The following FOXN3 variants were observed in gnomAD, a reference collection of about 807,000 sequenced individuals.
FOXN3 encodes forkhead box protein N3.
A neutral mutation model predicts 38.4 loss-of-function variants in FOXN3; 7 were observed. The ratio of observed to expected loss-of-function variants is 0.18; its 90% CI spans 0.10 to 0.34. FOXN3 has a LOEUF of 0.34. Among genes scored for constraint, FOXN3 ranks in the 10% least tolerant of loss-of-function variants. FOXN3 has a pLI of 1.00. For synonymous variants in FOXN3, 230 were observed against 242.2 expected, an observed-to-expected ratio of 0.95 and a Z score of 0.47; for missense variants, 456 against 613.4, an observed-to-expected ratio of 0.74 and a Z score of 2.71.
Position 89,165,255 on chromosome 14 carries a change from T to C in FOXN3, c.852-2286A>G, listed in dbSNP as rs76142028. ...GTGCTCATATCCCAGTGTTGCTTAC[T>C]GGTGACTTTGAGCAGGCTGTTTTAC... On this transcript the variant is annotated intron_variant, in intron 5 of 5. Transcript: ENST00000557258. Among the ~76,000 whole-genome samples the C allele has an allele frequency of 8.1e-3, 1,241 of 152,320 alleles. 10 individuals carry two copies. Among genetic ancestry groups the C allele is most frequent in the South Asian group, 0.038 (183 of 4,820 alleles).
intron 2 of FOXN3, among the ~76,000 whole-genome samples, chr14:89,371,223 G>A (rs778404267): frequency 2.0e-5 from 3 of 152,126 alleles, no homozygotes; most frequent in Non-Finnish European, 4.4e-5. Context: ...CTTCCTGCCC[G>A]AAAGTGGCCC....
chr14:89,390,044 A>C (rs1239736601), intron 2 of FOXN3, among the ~76,000 whole-genome samples: 1 of 151,922 alleles, frequency 6.6e-6, no homozygotes, highest in African/African-American at 2.4e-5. Context: ...ACACAGTGAG[A>C]CCTCATCTTT....
intron 3 of FOXN3, among the ~76,000 whole-genome samples, chr14:89,327,940 C>A (rs1477758861): frequency 6.6e-6 from 1 of 152,198 alleles, no homozygotes; most frequent in Non-Finnish European, 1.5e-5. Context: ...GGAATTAGCA[C>A]ACAGCTAATC....
chr14:89,615,118 T>TTTTG (rs1437186581), intron 1 of FOXN3, among the ~76,000 whole-genome samples: 1 of 145,494 alleles, frequency 6.9e-6, no homozygotes, highest in Non-Finnish European at 1.5e-5. Flanking sequence ...CAATTTCGAT[T>TTTTG]TTTTTTTTTT....
chr14:89,432,011 G>C (rs191565295), intron 1 of FOXN3, among the ~76,000 whole-genome samples: 4 of 152,152 alleles, frequency 2.6e-5, no homozygotes, highest in Non-Finnish European at 5.9e-5. Context: ...CACCACGCCC[G>C]GCTGTGTTGT....
chr14:89,598,063 TTC>T (rs1481279054), intron 1 of FOXN3, among the ~76,000 whole-genome samples: 2 of 152,174 alleles, frequency 1.3e-5, no homozygotes, highest in Non-Finnish European at 2.9e-5. Context: ...TATTTATACA[TTC>T]TGTCATCATT....
chr14:89,395,236 T>C (rs1477200125), intron 2 of FOXN3, among the ~76,000 whole-genome samples: 8 of 152,178 alleles, frequency 5.3e-5, no homozygotes, highest in Admixed American at 2.0e-4. Context: ...CTGTGGCAAG[T>C]AGTTCAGGAA....
At chr14:89,263,406 T>A (rs1445239191) in intron 4 of FOXN3, among the ~76,000 whole-genome samples, 4 of 151,688 alleles carry the variant, frequency 2.6e-5, no homozygotes, top group Non-Finnish European at 5.9e-5. Context: ...CATTCAGTAA[T>A]CTTTGCCAGC....
intron 1 of FOXN3, among the ~76,000 whole-genome samples, chr14:89,466,594 G>A (rs911466196): frequency 2.0e-5 from 3 of 152,184 alleles, no homozygotes; most frequent in African/African-American, 7.2e-5. Context: ...CCACAGCCTA[G>A]TGAAGCACAC....
intron 1 of FOXN3, among the ~76,000 whole-genome samples, chr14:89,568,844 T>C (rs538720062): frequency 6.6e-6 from 1 of 152,222 alleles, no homozygotes. Flanking sequence ...TATTTACACA[T>C]GGTTTGGATC....
At chr14:89,404,363 G>A (rs1035896889) in intron 2 of FOXN3, among the ~76,000 whole-genome samples, 1 of 151,972 alleles carries the variant, frequency 6.6e-6, no homozygotes, top group African/African-American at 2.4e-5. Context: ...AATTAGCTGG[G>A]TGTGGTGGCA....
At chr14:89,489,747 T>C (rs975770230) in intron 1 of FOXN3, among the ~76,000 whole-genome samples, 14 of 152,226 alleles carry the variant, frequency 9.2e-5, no homozygotes, top group African/African-American at 3.4e-4. Context: ...TGAATTGCGC[T>C]TTATTCCCTT....
chr14:89,498,210 CTTTTTTTTTTT>C (rs547081117), intron 1 of FOXN3, among the ~76,000 whole-genome samples: 1 of 81,060 alleles, frequency 1.2e-5, no homozygotes, highest in African/African-American at 5.8e-5. Flanking sequence ...CTCTCTCTCT[CTTTTTTTTTTT>C]TTTTTTTTTT....
At position 89,502,505 on chromosome 14, in the gene FOXN3, C is replaced by G. The variant is rs1039652241; in HGVS notation, c.-14-90015G>C. Among the ~76,000 whole-genome samples, 6 of 152,214 alleles carry G rather than the reference C, an allele frequency of 3.9e-5. No individual in the cohort carries two copies. In the South Asian group the frequency reaches 8.3e-4, roughly 21 times the overall value. ...ATTTGGCATTATCTCAACTACCCAG[C>G]TGCAGCTGACCTCATCATATATTTC... On this transcript the variant is annotated intron_variant, in intron 1 of 6. Transcript: ENST00000345097.
intron 4 of FOXN3, among the ~76,000 whole-genome samples, chr14:89,181,938 C>T (rs866798409): frequency 1.3e-5 from 2 of 152,114 alleles, no homozygotes; most frequent in African/African-American, 2.4e-5. Flanking sequence ...TTTCCCTCTC[C>T]GAACACTGTT....
At chr14:89,532,571 A>G (rs1894591471) in intron 1 of FOXN3, among the ~76,000 whole-genome samples, 1 of 152,240 alleles carries the variant, frequency 6.6e-6, no homozygotes, top group South Asian at 2.1e-4. Flanking sequence ...GTGTGAGAAC[A>G]TTACAAAATG....
chr14:89,578,869 A>T (rs1220980829), intron 1 of FOXN3, among the ~76,000 whole-genome samples: 1 of 152,086 alleles, frequency 6.6e-6, no homozygotes, highest in African/African-American at 2.4e-5. Flanking sequence ...TTTGTTTGAG[A>T]CAGGGTCTTG....
chr14:89,528,376 CTTTTTTTTTTTTTTTTTTTTTT>C (rs55935162), intron 1 of FOXN3, among the ~76,000 whole-genome samples: 1 of 53,546 alleles, frequency 1.9e-5, no homozygotes, highest in African/African-American at 6.4e-5. Context: ...ATGGATGAAT[CTTTTTTTTTTTTTTTTTTTTTT>C]TTTTTTTTTT....
At chr14:89,286,508 C>T (rs542041961) in intron 3 of FOXN3, among the ~76,000 whole-genome samples, 6 of 152,166 alleles carry the variant, frequency 3.9e-5, no homozygotes, top group East Asian at 3.9e-4. Context: ...ATACTCTTAG[C>T]GCTGGAGATG....
Sources: allele counts gnomAD v4.1 joint callset (sites outside exome capture counted in the v4.1 genomes callset), GRCh38; gene constraint gnomAD v4.1.1; transcripts MANE v1.5; gene names NCBI Gene and HGNC (gene_info 2026-07-23, HGNC 2026-07-21).